The following PRDM10 variants were observed in gnomAD, a reference collection of about 807,000 sequenced individuals.
The protein encoded by PRDM10 is PR/SET domain 10.
A neutral mutation model predicts 133.1 loss-of-function variants in PRDM10; 65 were observed. The ratio of observed to expected loss-of-function variants is 0.49; its 90% CI spans 0.40 to 0.60. The LOEUF is 0.60. Ranked by LOEUF, PRDM10 falls within the 20% of genes least tolerant of loss-of-function variation. The pLI is 0.00. For missense variants in PRDM10, 1,137 were observed against 1,507.1 expected (o/e 0.75, Z 4.07); for synonymous variants, 582 against 580.4 (o/e 1.00, Z -0.04).
chr11:129,934,687 C>A (rs1950972077), intron 9 of PRDM10, among the ~76,000 whole-genome samples: 1 of 152,228 alleles, frequency 6.6e-6, no homozygotes, highest in Non-Finnish European at 1.5e-5. Context: ...CTGCCCACTT[C>A]ATCCCATATG....
intron 8 of PRDM10, among the ~76,000 whole-genome samples, chr11:129,935,909 C>T (rs1377332124): frequency 6.6e-6 from 1 of 152,220 alleles, no homozygotes; most frequent in African/African-American, 2.4e-5. Flanking sequence ...GGTGTCCCAC[C>T]TCACAAACAT....
At chr11:129,986,722 G>A (rs78323727) in intron 1 of PRDM10, among the ~76,000 whole-genome samples, 4,166 of 152,202 alleles carry the variant, frequency 0.027, 160 homozygotes, top group African/African-American at 0.081. Context: ...AGGGTCGGGG[G>A]CCTGGATTGA....
intron 10 of PRDM10, 50 bp downstream of exon 10, chr11:129,932,052 G>A (rs917864520): frequency 9.5e-6 from 15 of 1,580,582 alleles, no homozygotes; most frequent in Non-Finnish European, 1.2e-5. Flanking sequence ...GGGATCTGGC[G>A]AGTCCTCCAC....
chr11:129,958,094 A>T (rs1454987745), intron 2 of PRDM10, among the ~76,000 whole-genome samples, 184 bp from the exon 3 acceptor site: 1 of 152,202 alleles, frequency 6.6e-6, no homozygotes, highest in Non-Finnish European at 1.5e-5. Flanking sequence ...GCTAAATGTT[A>T]GGCAACCGAC....
intron 1 of PRDM10, among the ~76,000 whole-genome samples, chr11:129,994,105 A>T (rs1380047393): frequency 6.6e-6 from 1 of 152,168 alleles, no homozygotes; most frequent in Non-Finnish European, 1.5e-5. Context: ...ATCTGAAAAA[A>T]ATATATTTTG....
At chr11:130,001,619 A>T (rs532943139) in intron 1 of PRDM10, among the ~76,000 whole-genome samples, 1 of 152,182 alleles carries the variant, frequency 6.6e-6, no homozygotes, top group Admixed American at 6.5e-5. Context: ...CAACTCATCC[A>T]CCAAGCAAGG....
At position 129,949,396 on chromosome 11, in the gene PRDM10, A is replaced by C. The variant is rs544139121; in HGVS notation, c.295-2026T>G. On this transcript the variant is annotated intron_variant, in intron 4 of 20. Transcript: ENST00000360871. ...TAGCATTTAGTAACTGCTTAGTATTAATCATTATTATCCTAAGTTCTTTAA... is the reference window on the plus strand; with the variant it reads ...TAGCATTTAGTAACTGCTTAGTATTCATCATTATTATCCTAAGTTCTTTAA... Among the ~76,000 whole-genome samples, 3 of 152,320 alleles carry C rather than the reference A, an allele frequency of 2.0e-5. No homozygotes were observed. In the South Asian group the frequency reaches 6.2e-4, roughly 32 times the overall value.
At position 129,901,621 on chromosome 11, in the gene PRDM10, TGAA is replaced by T. The variant is rs535374467; in HGVS notation, c.*689_*691del. 4.6e-5 allele frequency: 7 copies of T among 152,324 alleles called. No individual in the cohort carries two copies. The East Asian group carries it at 1.4e-3, about 29-fold the overall frequency. 9.4% of individuals were successfully genotyped at this position (152,324 alleles called of 1,614,324 possible). A position where few individuals can be genotyped will look rare whatever the true frequency, so the allele number is the denominator to read the frequency against. On this transcript the variant is annotated 3_prime_UTR_variant, in exon 21 of 21. Transcript: ENST00000360871. ...CAGGTTGTCCACCTTTGTGAAATAA[TGAA>T]GAACTATCAGAACATGAGCTTCTGA...
At chr11:129,928,157 G>A (rs990306706) in intron 11 of PRDM10, among the ~76,000 whole-genome samples, 1 of 152,152 alleles carries the variant, frequency 6.6e-6, no homozygotes, top group Non-Finnish European at 1.5e-5. Context: ...CCAGGCTGGA[G>A]TGTTATGGCA....
At chr11:129,997,697 T>C (rs1355245481) in intron 1 of PRDM10, among the ~76,000 whole-genome samples, 4 of 152,246 alleles carry the variant, frequency 2.6e-5, no homozygotes, top group Non-Finnish European at 5.9e-5. Flanking sequence ...TGGGAAAATT[T>C]AGCTGATTAT....
chr11:129,917,052 T>C (rs1591590794), intron 15 of PRDM10, 75 bp downstream of exon 15: 4 of 1,026,640 alleles, frequency 3.9e-6, no homozygotes, highest in Admixed American at 5.0e-5. Flanking sequence ...TCGTAGTATA[T>C]ATTTATAAAT....
intron 13 of PRDM10, among the ~76,000 whole-genome samples, chr11:129,922,993 T>C (rs1950560673): frequency 6.6e-6 from 1 of 152,268 alleles, no homozygotes; most frequent in African/African-American, 2.4e-5. Context: ...CTTGTCATTA[T>C]ACATTTGGAT....
At chr11:129,988,631 T>C (rs115810986) in intron 1 of PRDM10, among the ~76,000 whole-genome samples, 1,582 of 151,618 alleles carry the variant, frequency 0.01, 32 homozygotes, top group African/African-American at 0.036. Context: ...GTTAAGTCAA[T>C]GCAAACTTTT....
At position 129,920,001 on chromosome 11, in the gene PRDM10, C is replaced by T. The variant is rs192017638; in HGVS notation, c.2035-1283G>A. Among the ~76,000 whole-genome samples the T allele has an allele frequency of 4.6e-5, 7 of 152,334 alleles. No homozygotes were observed. In the East Asian group the frequency reaches 9.6e-4, roughly 21 times the overall value. On this transcript the variant is annotated intron_variant, in intron 13 of 20. Transcript: ENST00000360871. ...GCTACAGTAGGATTTGGATTAAGGA[C>T]ACTGCCCTACGTGACAGTATCTTTC...
chr11:129,959,896 G>A (rs906197384), intron 2 of PRDM10, among the ~76,000 whole-genome samples: 2 of 151,378 alleles, frequency 1.3e-5, no homozygotes, highest in Admixed American at 1.3e-4. Flanking sequence ...ACCACTATAG[G>A]CATGCACCAC....
Position 129,924,890 on chromosome 11 carries a change from A to G in PRDM10, c.1870T>C (p.Phe624Leu), listed in dbSNP as rs750100441. The change falls in exon 12 of 21, where the codon TTT becomes CTT. Residue 624 changes from phenylalanine (F) to leucine (L), a missense_variant. By Grantham distance (22) the Phe-to-Leu change is conservative (BLOSUM62 0). Coordinates refer to ENST00000360871, the MANE Select transcript of PRDM10 (RefSeq NM_199437.2). ...CAGTAGTAGACACTCACCTGGATAA[A>G]ATCTGGGAACCGTTTCTTACAAGTT... ...CPTCKKRFPD[F>L]IQVKKHVRSF... 6.3e-7 allele frequency: 1 copy of G among 1,599,304 alleles called. No individual in the cohort carries two copies.
chr11:129,956,325 T>C lies in PRDM10; in HGVS notation c.235-754A>G, dbSNP rs1343244163. On this transcript the variant is annotated intron_variant, in intron 3 of 20. Coordinates refer to ENST00000360871, the MANE Select transcript of PRDM10 (RefSeq NM_199437.2). ...ACTCACGCCTGTAATCCCAGCACTT[T>C]GGGAGGCCAAGGCAGGCGGATCACC... 7.9e-5 allele frequency among the ~76,000 whole-genome samples: 12 copies of C among 152,350 alleles called. No homozygotes were observed. The East Asian group carries it at 2.3e-3, about 29-fold the overall frequency.
intron 1 of PRDM10, among the ~76,000 whole-genome samples, chr11:129,980,762 A>G (rs1048438518): frequency 2.6e-5 from 4 of 151,988 alleles, no homozygotes; most frequent in African/African-American, 4.8e-5. Context: ...TAAAGTCCAA[A>G]CCAGGGAAAT....
At position 129,942,585 on chromosome 11, in the gene PRDM10, T is replaced by C. The variant is rs1335952310; in HGVS notation, c.807A>G (p.Glu269=). The change falls in exon 7 of 21, where the codon GAA becomes GAG. Residue 269 remains glutamate, a synonymous_variant. Coordinates refer to ENST00000360871, the MANE Select transcript of PRDM10 (RefSeq NM_199437.2). ...KGDRKERDLH[E]DLWFELSDET... Reference sequence around the variant, plus strand: ...CATCAGACAACTCAAACCATAGGTCTTCATGTAAATCCCTTTCTTTCCTGT... The same window carrying C: ...CATCAGACAACTCAAACCATAGGTCCTCATGTAAATCCCTTTCTTTCCTGT... 10 of 1,613,994 alleles carry C rather than the reference T, an allele frequency of 6.2e-6. No individual in the cohort carries two copies. Among genetic ancestry groups the C allele is most frequent in the Non-Finnish European group, 8.5e-6 (10 of 1,180,038 alleles).
Sources: gnomAD v4.1 joint callset for allele counts (sites outside exome capture counted in the v4.1 genomes callset) on GRCh38, gnomAD v4.1.1 for gene constraint, MANE v1.5 for transcripts, NCBI Gene and HGNC (gene_info 2026-07-23, HGNC 2026-07-21) for gene names.